CFLAR: variants seen among roughly 807,000 people sequenced by gnomAD.
CFLAR encodes the protein CASP8 and FADD like apoptosis regulator.
CFLAR carries 14 observed loss-of-function variants against 51.1 expected under a neutral mutation model. The observed-to-expected ratio is 0.27, with a 90% CI of 0.18 to 0.43. The LOEUF is 0.43. CFLAR is among the 20% of genes least tolerant of loss of function. CFLAR has a pLI of 1.00. For synonymous variants in CFLAR, 210 were observed against 211.6 expected (o/e 0.99, Z 0.06); for missense variants, 390 against 566.5 (o/e 0.69, Z 3.16).
intron 1 of CFLAR, among the ~76,000 whole-genome samples, chr2:201,119,681 C>G (rs1327633567): frequency 6.6e-6 from 1 of 152,146 alleles, no homozygotes; most frequent in Non-Finnish European, 1.5e-5. Context: ...TTTGCACTTG[C>G]TTCAGGATTG....
rs1943687000 is a variant in CFLAR at position 201,167,227 on chromosome 2, G to A, written c.*3254G>A. 2 of 152,126 alleles carry A rather than the reference G, an allele frequency of 1.3e-5. No individual in the cohort carries two copies. The highest frequency in any genetic ancestry group is 1.3e-4 in the Admixed American group (2 of 15,264). The allele number at this position is 152,126 out of a possible 1,614,324, so 9.4% of individuals were successfully genotyped here. ...TTCCTACTTTCCAAGTTATTTTGAT[G>A]CCATGGTGGCTCATACCTATAATCT... On this transcript the variant is annotated 3_prime_UTR_variant, in exon 10 of 10. Transcript: ENST00000309955.
chr2:201,141,662 G>T, intron 5 of CFLAR: 1 of 1,238,350 alleles, frequency 8.1e-7, no homozygotes. Flanking sequence ...TTGTTATTGA[G>T]TGATGAAACA....
rs534507220 is a variant in CFLAR, at chr2:201,166,117, G to A, written c.*2144G>A. 139 of 172,012 alleles carry A rather than the reference G, an allele frequency of 8.1e-4. 5 individuals carry two copies. The South Asian group carries it at 9.1e-3, about 11-fold the overall frequency. The allele number at this position is 172,012 out of a possible 1,614,324, so 10.7% of individuals were successfully genotyped here. On this transcript the variant is annotated 3_prime_UTR_variant, in exon 10 of 10. Transcript: ENST00000309955. ...GGGTACACCTCCCAGACGGGGTGGC[G>A]GCTGGGCAGAGGGGCTCCTCACTTC...
intron 8 of CFLAR, chr2:201,153,191 G>A (rs1941570708): frequency 6.6e-6 from 1 of 152,134 alleles, no homozygotes; most frequent in Non-Finnish European, 1.5e-5. Context: ...TTGGGCTTGA[G>A]GCCACTTATA....
chr2:201,121,241 G>A (rs1378563729), intron 1 of CFLAR, among the ~76,000 whole-genome samples: 1 of 152,216 alleles, frequency 6.6e-6, no homozygotes, highest in African/African-American at 2.4e-5. Context: ...GCTCCGTGAT[G>A]TAGCTATTAA....
At chr2:201,156,248 G>T (rs1314307240) in intron 8 of CFLAR, among the ~76,000 whole-genome samples, 1 of 152,178 alleles carries the variant, frequency 6.6e-6, no homozygotes, top group African/African-American at 2.4e-5. Context: ...CCCCCTCAGA[G>T]ATTTGCAATG....
Position 201,129,847 on chromosome 2 carries a change from T to A in CFLAR, c.-19T>A, listed in dbSNP as rs754226116. The A allele has an allele frequency of 3.2e-5, 52 of 1,611,284 alleles. No individual in the cohort carries two copies. The highest frequency in any genetic ancestry group is 1.6e-4 in the Middle Eastern group (1 of 6,074). On this transcript the variant is annotated 5_prime_UTR_variant, in exon 2 of 10. Coordinates refer to ENST00000309955, the MANE Select transcript of CFLAR (RefSeq NM_003879.7). ...CTGTACTGCAAGACCCTTGTGAGCTTCCCTAGTCTAAGAGTAGGATGTCTG... is the reference window on the plus strand; with the variant it reads ...CTGTACTGCAAGACCCTTGTGAGCTACCCTAGTCTAAGAGTAGGATGTCTG...
At chr2:201,149,345 G>T (rs1180510959) in intron 7 of CFLAR, 2 of 312,944 alleles carry the variant, frequency 6.4e-6, no homozygotes, top group Non-Finnish European at 1.2e-5. Context: ...ACTTTGGCTT[G>T]TTCTGGCTTT....
chr2:201,167,849 C>T lies in CFLAR; in HGVS notation c.*3876C>T, dbSNP rs1277452495. 1 of 152,170 alleles carries T rather than the reference C, an allele frequency of 6.6e-6. No individual in the cohort carries two copies. The highest frequency in any genetic ancestry group is 6.5e-5 in the Admixed American group (1 of 15,280). The allele number at this position is 152,170 out of a possible 1,614,324, so 9.4% of individuals were successfully genotyped here. On this transcript the variant is annotated 3_prime_UTR_variant, in exon 10 of 10. Coordinates refer to ENST00000309955, the MANE Select transcript of CFLAR (RefSeq NM_003879.7). The stretch of plus-strand genomic sequence containing the variant: ...GAATCACTGGAATCACTGTGTCAGC[C>T]CTAATTACCTACCTCTGGACTTTTA...
chr2:201,168,284 T>C lies in CFLAR; in HGVS notation c.*4311T>C, dbSNP rs1223208608. 1 of 152,060 alleles carries C rather than the reference T, an allele frequency of 6.6e-6. No individual in the cohort carries two copies. Among genetic ancestry groups the C allele is most frequent in the Non-Finnish European group, 1.5e-5 (1 of 68,024 alleles). The allele number at this position is 152,060 out of a possible 1,614,324, so 9.4% of individuals were successfully genotyped here. On this transcript the variant is annotated 3_prime_UTR_variant, in exon 10 of 10. Coordinates refer to ENST00000309955, the MANE Select transcript of CFLAR (RefSeq NM_003879.7). ...TAAATAATAAATAAAATGTTTGGAA[T>C]GTTGGCTTCATCCCTGGGATGCAAG...
intron 2 of CFLAR, among the ~76,000 whole-genome samples, chr2:201,131,432 T>A (rs1466138785): frequency 6.6e-6 from 1 of 152,086 alleles, no homozygotes; most frequent in Non-Finnish European, 1.5e-5. Flanking sequence ...AACAGGGTTT[T>A]GCCATGTTGG....
intron 6 of CFLAR, chr2:201,148,163 G>A (rs987394522): frequency 2.0e-5 from 3 of 151,918 alleles, no homozygotes; most frequent in Admixed American, 6.6e-5. Flanking sequence ...TGATTTTTAT[G>A]CCTCCAGATT....
intron 1 of CFLAR, chr2:201,122,439 A>C (rs1351399797): frequency 6.6e-6 from 1 of 152,242 alleles, no homozygotes; most frequent in African/African-American, 2.4e-5. Context: ...GTATGTTATG[A>C]AGGGATGAGT....
chr2:201,120,024 T>A (rs1241102744), intron 1 of CFLAR, among the ~76,000 whole-genome samples: 1 of 80,400 alleles, frequency 1.2e-5, no homozygotes, highest in African/African-American at 9.7e-5. Flanking sequence ...TTTTCTTTTC[T>A]TTTTTTTTTT....
rs1940906802 is a variant in CFLAR, at chr2:201,149,617, A to C, written c.712-137A>C. On this transcript the variant is annotated intron_variant, in intron 7 of 9. Coordinates refer to ENST00000309955, the MANE Select transcript of CFLAR (RefSeq NM_003879.7). ...ATATTAATGGGAAACATTTGCCGTA[A>C]TGGGAAACTTCAGGCTGTGTCTGTT... 5.2e-5 allele frequency: 31 copies of C among 594,596 alleles called. 1 individual carries two copies. In the South Asian group the frequency reaches 6.5e-4, roughly 12 times the overall value. 36.8% of individuals were successfully genotyped at this position (594,596 alleles called of 1,614,324 possible). A position where few individuals can be genotyped will look rare whatever the true frequency, so the allele number is the denominator to read the frequency against.
chr2:201,141,965 TAAA>T (rs1355075551), intron 5 of CFLAR: 1 of 150,832 alleles, frequency 6.6e-6, no homozygotes, highest in Non-Finnish European at 1.5e-5. Context: ...CAGAAAGCCC[TAAA>T]AAAAAAGAAG....
At chr2:201,163,174 A>T in intron 9 of CFLAR, 3 of 975,582 alleles carry the variant, frequency 3.1e-6, no homozygotes, top group African/African-American at 3.3e-5. Flanking sequence ...TGACAATTTG[A>T]TAGGTGAAAA....
At chr2:201,141,699 A>G (rs904747757) in intron 5 of CFLAR, 17 of 1,025,092 alleles carry the variant, frequency 1.7e-5, no homozygotes, top group African/African-American at 6.5e-5. Context: ...GTTCATGAGC[A>G]TAAGTGTATC....
Position 201,138,061 on chromosome 2 carries a change from G to C in CFLAR, c.523+1954G>C. The C allele has an allele frequency of 1.4e-6, 1 of 726,104 alleles. No individual in the cohort carries two copies. The highest frequency in any genetic ancestry group is 2.6e-6 in the Non-Finnish European group (1 of 391,200). The allele number at this position is 726,104 out of a possible 1,614,324, so 45.0% of individuals were successfully genotyped here. ...GGCTGACTGCAGGCTATCACTTCCT[G>C]GTTGATGTAGATGGAGCCGCGCAGT... On this transcript the variant is annotated intron_variant, in intron 4 of 9. Coordinates refer to ENST00000309955, the MANE Select transcript of CFLAR (RefSeq NM_003879.7). The surrounding 1 kb of genome is among the most constrained non-coding windows in gnomAD (Gnocchi z 4.0).
Sources: gnomAD v4.1 joint callset for allele counts (sites outside exome capture counted in the v4.1 genomes callset) on GRCh38, gnomAD v4.1.1 for gene constraint, Gnocchi (gnomAD v3.1) non-coding constraint, MANE v1.5 for transcripts, NCBI Gene and HGNC (gene_info 2026-07-23, HGNC 2026-07-21) for gene names.